The following CADM2 variants were observed in gnomAD, a reference collection of about 807,000 sequenced individuals.
The protein encoded by CADM2 is immunoglobulin superfamily member 4D.
A neutral mutation model predicts 49.8 loss-of-function variants in CADM2; 12 were observed. That is an observed-to-expected ratio of 0.24 (90% CI 0.15 to 0.39). The LOEUF is 0.39. Ranked by LOEUF, CADM2 falls within the 10% of genes least tolerant of loss-of-function variation. CADM2 has a pLI of 1.00. For synonymous variants in CADM2, 214 were observed against 175.4 expected (o/e 1.22, Z -1.74); for missense variants, 378 against 492.3 (o/e 0.77, Z 2.20).
intron 8 of CADM2, among the ~76,000 whole-genome samples, chr3:86,006,361 C>T (rs923458486): frequency 6.6e-6 from 1 of 152,108 alleles, no homozygotes; most frequent in African/African-American, 2.4e-5. Flanking sequence ...AGGATCTGGG[C>T]AGAGAGAGTT....
chr3:85,473,048 G>A (rs2038834173), intron 1 of CADM2, among the ~76,000 whole-genome samples: 1 of 151,920 alleles, frequency 6.6e-6, no homozygotes, highest in Non-Finnish European at 1.5e-5. Context: ...GTTCTTATAT[G>A]CAAAACAGAA....
chr3:85,027,210 G>T (rs9878707), intron 1 of CADM2, among the ~76,000 whole-genome samples: 1 of 141,772 alleles, frequency 7.1e-6, no homozygotes, highest in Non-Finnish European at 1.5e-5. Flanking sequence ...CGCCTCCCGG[G>T]TTTAAGCGAT....
intron 7 of CADM2, among the ~76,000 whole-genome samples, chr3:85,948,541 T>C (rs2108578968): frequency 6.6e-6 from 1 of 151,482 alleles, no homozygotes; most frequent in East Asian, 1.9e-4. Context: ...TAATTAATAA[T>C]GAAACTTGAA....
rs181489081 is a variant in CADM2 at position 85,586,420 on chromosome 3, C to T, written c.62-140102C>T. Reference sequence around the variant, plus strand: ...TTTGCAAACTCTAACGTACCTATTTCTGGTAATGAAAATGTGGATGAAACA... The same window carrying T: ...TTTGCAAACTCTAACGTACCTATTTTTGGTAATGAAAATGTGGATGAAACA... On this transcript the variant is annotated intron_variant, in intron 1 of 9. Coordinates refer to ENST00000383699, the MANE Select transcript of CADM2 (RefSeq NM_001167675.2). 3.7e-3 allele frequency among the ~76,000 whole-genome samples: 561 copies of T among 152,140 alleles called. 5 individuals are homozygous for T. In the Middle Eastern group the frequency reaches 0.044, roughly 12 times the overall value.
At position 85,576,914 on chromosome 3, in the gene CADM2, C is replaced by T. The variant is rs1359705221; in HGVS notation, c.62-149608C>T. 2.0e-5 allele frequency among the ~76,000 whole-genome samples: 3 copies of T among 151,992 alleles called. No homozygotes were observed. In the East Asian group the frequency reaches 5.8e-4, roughly 29 times the overall value. On this transcript the variant is annotated intron_variant, in intron 1 of 9. Transcript: ENST00000383699. ...TTCTATAATAGTCTTCTATTGTTTA[C>T]CCAGAGCCACCAAGAAGAGACAGCA...
intron 1 of CADM2, among the ~76,000 whole-genome samples, chr3:85,456,338 G>T (rs995001664): frequency 3.3e-5 from 5 of 152,200 alleles, no homozygotes; most frequent in Admixed American, 3.3e-4. Flanking sequence ...TCACTACAAA[G>T]TTAGATTTCC....
chr3:85,470,473 G>A (rs1378494815), intron 1 of CADM2, among the ~76,000 whole-genome samples: 1 of 152,054 alleles, frequency 6.6e-6, no homozygotes, highest in African/African-American at 2.4e-5. Context: ...AATTACATAG[G>A]GTTTTATTAG....
At chr3:85,344,202 C>T (rs968373750) in intron 1 of CADM2, among the ~76,000 whole-genome samples, 1 of 150,724 alleles carries the variant, frequency 6.6e-6, no homozygotes, top group African/African-American at 2.5e-5. Flanking sequence ...GGTGAAACCC[C>T]ATCTCTACTA....
chr3:86,012,727 C>G (rs1221092525), intron 8 of CADM2: 1 of 868,594 alleles, frequency 1.2e-6, no homozygotes, highest in Admixed American at 1.9e-5. Flanking sequence ...CGTTGACTCA[C>G]GCCTGTAATC....
At chr3:85,045,688 G>C (rs2035628173) in intron 1 of CADM2, among the ~76,000 whole-genome samples, 1 of 151,950 alleles carries the variant, frequency 6.6e-6, no homozygotes, top group Non-Finnish European at 1.5e-5. Flanking sequence ...ATAAAGGTGG[G>C]AAACAAAACT....
At chr3:85,693,723 C>CA (rs397807084) in intron 1 of CADM2, among the ~76,000 whole-genome samples, 6,214 of 66,218 alleles carry the variant, frequency 0.094, 273 homozygotes, top group South Asian at 0.15. Context: ...ACGTATCTAC[C>CA]AAAAAAAAAA....
At chr3:85,692,121 A>G (rs950691543) in intron 1 of CADM2, among the ~76,000 whole-genome samples, 2 of 152,224 alleles carry the variant, frequency 1.3e-5, no homozygotes, top group Admixed American at 1.3e-4. Flanking sequence ...AACTTAAAGT[A>G]TAATTAAAAA....
intron 1 of CADM2, among the ~76,000 whole-genome samples, chr3:85,290,614 C>A (rs2043762623): frequency 6.6e-6 from 1 of 152,206 alleles, no homozygotes; most frequent in African/African-American, 2.4e-5. Context: ...ACTGCCTCCT[C>A]AAGTGGGTCC....
At chr3:85,289,925 G>C (rs186633964) in intron 1 of CADM2, among the ~76,000 whole-genome samples, 5 of 152,228 alleles carry the variant, frequency 3.3e-5, no homozygotes, top group African/African-American at 1.2e-4. Context: ...CTAAGAAGTA[G>C]TAAATGGAGG....
rs549879756 is a variant in CADM2, at chr3:85,553,174, A to G, written c.62-173348A>G. ...GACCAAGAGAAAAACAAAACAAAAT[A>G]TAATTGTCCATCTAAAACAGGGAAT... On this transcript the variant is annotated intron_variant, in intron 1 of 9. Transcript: ENST00000383699. Among the ~76,000 whole-genome samples the G allele has an allele frequency of 1.3e-4, 20 of 152,298 alleles. 1 individual carries two copies. The highest frequency in any genetic ancestry group is 1.3e-3 in the Admixed American group (20 of 15,292).
At chr3:85,992,082 A>G (rs1301993407) in intron 8 of CADM2, 4 of 151,944 alleles carry the variant, frequency 2.6e-5, no homozygotes, top group African/African-American at 9.6e-5. Flanking sequence ...TTCATTTTAA[A>G]TAATTGTTCA....
intron 2 of CADM2, among the ~76,000 whole-genome samples, chr3:85,742,887 AG>A (rs1398955547): frequency 6.6e-6 from 1 of 152,156 alleles, no homozygotes; most frequent in African/African-American, 2.4e-5. Flanking sequence ...TTTCTTTCAA[AG>A]GGAATATATT....
rs986903113 is a variant in CADM2 at position 85,627,860 on chromosome 3, G to A, written c.62-98662G>A. ...ACAAGGTAGAGAATTGGACAACTGC[G>A]AGCAATCAAATCTGGTCCAGGTAGA... On this transcript the variant is annotated intron_variant, in intron 1 of 9. Coordinates refer to ENST00000383699, the MANE Select transcript of CADM2 (RefSeq NM_001167675.2). Among the ~76,000 whole-genome samples, 9 of 152,084 alleles carry A rather than the reference G, an allele frequency of 5.9e-5. No homozygotes were observed. The South Asian group carries it at 6.2e-4, about 11-fold the overall frequency.
At chr3:84,966,635 C>T (rs1261845902) in intron 1 of CADM2, among the ~76,000 whole-genome samples, 1 of 151,990 alleles carries the variant, frequency 6.6e-6, no homozygotes, top group South Asian at 2.1e-4. Context: ...CTTGTTACTA[C>T]TTGAATAGAT....
Sources: allele counts gnomAD v4.1 joint callset (sites outside exome capture counted in the v4.1 genomes callset), GRCh38; gene constraint gnomAD v4.1.1; transcripts MANE v1.5; gene names NCBI Gene and HGNC (gene_info 2026-07-23, HGNC 2026-07-21).